Variants in POT1 observed in about 807,000 individuals in gnomAD.
POT1 encodes the protein protection of telomeres 1.
A neutral mutation model predicts 78.5 loss-of-function variants in POT1; 47 were observed. That is an observed-to-expected ratio of 0.60 (90% CI 0.47 to 0.76). POT1 has a LOEUF of 0.76. POT1 is among the 30% of genes least tolerant of loss of function. POT1 has a pLI of 0.00. For synonymous variants in POT1, 259 were observed against 260.7 expected (o/e 0.99, Z 0.06); for missense variants, 646 against 749.9 (o/e 0.86, Z 1.62).
intron 6 of POT1, among the ~76,000 whole-genome samples, chr7:124,871,731 AT>A (rs5887205): frequency 0.4 from 57,607 of 144,848 alleles, 12,453 homozygotes; most frequent in South Asian, 0.57. Context: ...CTGCCTTAAA[AT>A]TTTTTTTTTT....
chr7:124,896,892 T>G (rs1331570502), intron 5 of POT1, among the ~76,000 whole-genome samples: 3 of 151,756 alleles, frequency 2.0e-5, no homozygotes, highest in Non-Finnish European at 4.4e-5. Context: ...AGTAAAAACT[T>G]ATTTTATTTT....
chr7:124,896,999 T>C (rs1217778672), intron 5 of POT1, among the ~76,000 whole-genome samples, 166 bp downstream of exon 5: 7 of 151,780 alleles, frequency 4.6e-5, no homozygotes, highest in Non-Finnish European at 8.9e-5. Flanking sequence ...AACTCTAATA[T>C]AACATTATCA....
intron 11 of POT1, among the ~76,000 whole-genome samples, chr7:124,849,511 G>A (rs541719617): frequency 2.5e-4 from 38 of 152,260 alleles, no homozygotes; most frequent in African/African-American, 8.4e-4. Context: ...TGTGAGTAAA[G>A]TATATTCTCC....
At chr7:124,912,495 T>C (rs1045060369) in intron 3 of POT1, among the ~76,000 whole-genome samples, 1 of 152,254 alleles carries the variant, frequency 6.6e-6, no homozygotes. Context: ...GATAAATATA[T>C]ACCTTCCCTC....
intron 5 of POT1, among the ~76,000 whole-genome samples, chr7:124,893,393 T>G (rs1361098259): frequency 6.6e-6 from 1 of 151,298 alleles, no homozygotes; most frequent in Non-Finnish European, 1.5e-5. Flanking sequence ...CCCAAAGAAT[T>G]AAAACTAACA....
chr7:124,844,662 A>G (rs2079369), intron 12 of POT1, among the ~76,000 whole-genome samples: 58,060 of 145,112 alleles, frequency 0.4, 11,639 homozygotes, highest in East Asian at 0.5. Flanking sequence ...GTGAACCCGG[A>G]AGGCAGAGCT....
In POT1 at chr7:124,829,345, G is replaced by A; in HGVS notation, c.1506-3C>T. 2 of 1,518,342 alleles carry A rather than the reference G, an allele frequency of 1.3e-6. No individual in the cohort carries two copies. Among genetic ancestry groups the A allele is most frequent in the East Asian group, 2.3e-5 (1 of 44,264 alleles). The allele number at this position is 1,518,342 out of a possible 1,614,324, so 94.1% of individuals were successfully genotyped here. On this transcript the variant is annotated splice_region_variant and splice_polypyrimidine_tract_variant and intron_variant, in intron 15 of 18. Transcript: ENST00000357628. ...TCAAACTAGAACACTGTTTACATCT[G>A]AAATTTATAAAAGAAAGAACCATAA... is the stretch of plus-strand genomic sequence containing the variant.
chr7:124,874,478 A>C (rs2116577686), intron 6 of POT1, among the ~76,000 whole-genome samples: 1 of 152,320 alleles, frequency 6.6e-6, no homozygotes, highest in Admixed American at 6.5e-5. Context: ...AAGACACTGT[A>C]ATCCTAGCAC....
At chr7:124,913,867 A>G (rs1796950278) in intron 3 of POT1, among the ~76,000 whole-genome samples, 1 of 152,110 alleles carries the variant, frequency 6.6e-6, no homozygotes, top group African/African-American at 2.4e-5. Context: ...CCATAGAAGT[A>G]TGGGTTTTCT....
intron 7 of POT1, among the ~76,000 whole-genome samples, chr7:124,870,045 A>C (rs1005368102): frequency 6.6e-6 from 1 of 152,172 alleles, no homozygotes; most frequent in Non-Finnish European, 1.5e-5. Flanking sequence ...GGACAGAATT[A>C]AACTCAAGCA....
At chr7:124,833,729 C>A (rs745415029) in intron 15 of POT1, among the ~76,000 whole-genome samples, 6 of 152,182 alleles carry the variant, frequency 3.9e-5, no homozygotes, top group Non-Finnish European at 7.4e-5. Context: ...GAGTACCAGC[C>A]TCTGGCTGAG....
chr7:124,854,807 A>G (rs10246424), intron 9 of POT1, among the ~76,000 whole-genome samples: 30,777 of 151,764 alleles, frequency 0.2, 3,812 homozygotes, highest in East Asian at 0.3. Flanking sequence ...AAAATTTTCT[A>G]GTTTTATCTC....
rs369649621 is a variant in POT1, at chr7:124,835,242, T to TA, written c.1505+36dup. ...ATGACCCCAGAACTTAAAAGTATAATAAACAAAACAAAACAAAACAAAACA... is the reference window on the plus strand; with the variant it reads ...ATGACCCCAGAACTTAAAAGTATAATAAAACAAAACAAAACAAAACAAAACA... On this transcript the variant is annotated intron_variant, in intron 15 of 18. Coordinates refer to ENST00000357628, the MANE Select transcript of POT1 (RefSeq NM_015450.3). 6 of 1,577,182 alleles carry TA rather than the reference T, an allele frequency of 3.8e-6. No individual in the cohort carries two copies. The highest frequency in any genetic ancestry group is 5.2e-6 in the Non-Finnish European group (6 of 1,151,134).
chr7:124,895,672 T>C (rs1796475664), intron 5 of POT1, among the ~76,000 whole-genome samples: 1 of 151,674 alleles, frequency 6.6e-6, no homozygotes. Flanking sequence ...CGGAGAGATG[T>C]CTTAGAATTG....
chr7:124,852,260 T>C (rs1185320823), intron 10 of POT1, among the ~76,000 whole-genome samples: 7 of 152,154 alleles, frequency 4.6e-5, no homozygotes, highest in Non-Finnish European at 1.0e-4. Flanking sequence ...CTAAATATGA[T>C]ATTAAAAATC....
chr7:124,884,253 G>A lies in POT1; in HGVS notation c.124+8013C>T, dbSNP rs556247346. Among the ~76,000 whole-genome samples the A allele has an allele frequency of 4.6e-5, 7 of 152,092 alleles. No homozygotes were observed. In the East Asian group the frequency reaches 1.2e-3, roughly 25 times the overall value. ...AGAACAGGAAAAGAAAAAAATGTTA[G>A]GGCCCCATATCCTAGCATCCTATCC... On this transcript the variant is annotated intron_variant, in intron 6 of 18. Transcript: ENST00000357628.
intron 2 of POT1, among the ~76,000 whole-genome samples, chr7:124,917,936 G>C (rs902578232): frequency 6.6e-6 from 1 of 152,028 alleles, no homozygotes; most frequent in African/African-American, 2.4e-5. Context: ...GTGTAGGGGA[G>C]GGGAGGCATT....
At position 124,828,142 on chromosome 7, in the gene POT1, A is replaced by C. The variant is rs748170350; in HGVS notation, c.1595-837T>G. On this transcript the variant is annotated intron_variant, in intron 16 of 18. Transcript: ENST00000357628. Reference sequence around the variant, plus strand: ...TTGCATGTTAGTTTTATGAAAGATAAAATTAAAATACAGAATATTCTAAAA... The same window carrying C: ...TTGCATGTTAGTTTTATGAAAGATACAATTAAAATACAGAATATTCTAAAA... Among the ~76,000 whole-genome samples the C allele has an allele frequency of 2.4e-4, 37 of 152,312 alleles. No homozygotes were observed. The Middle Eastern group carries it at 0.014, about 56-fold the overall frequency.
chr7:124,928,664 T>A (rs1797334635), intron 2 of POT1, among the ~76,000 whole-genome samples, 151 bp downstream of exon 2: 1 of 152,222 alleles, frequency 6.6e-6, no homozygotes, highest in Admixed American at 6.5e-5. Flanking sequence ...AAATAAGTAC[T>A]GAATAAGAAT....
Sources: gnomAD v4.1 joint callset for allele counts (sites outside exome capture counted in the v4.1 genomes callset) on GRCh38, gnomAD v4.1.1 for gene constraint, MANE v1.5 for transcripts, NCBI Gene and HGNC (gene_info 2026-07-23, HGNC 2026-07-21) for gene names.